Variants in LPGAT1 observed in about 807,000 individuals in gnomAD.
The protein encoded by LPGAT1 is acyl-CoA:lysophosphatidylglycerol acyltransferase 1.
A neutral mutation model predicts 47.5 loss-of-function variants in LPGAT1; 11 were observed. That is an observed-to-expected ratio of 0.23 (90% CI 0.15 to 0.38). LPGAT1 has a LOEUF of 0.38. Among genes scored for constraint, LPGAT1 ranks in the 10% least tolerant of loss-of-function variants. LPGAT1 has a pLI of 1.00. For synonymous variants in LPGAT1, 138 were observed against 144.2 expected (o/e 0.96, Z 0.31); for missense variants, 293 against 439.0 (o/e 0.67, Z 2.97).
intron 1 of LPGAT1, chr1:211,829,551 A>C: frequency 7.3e-7 from 1 of 1,378,038 alleles, no homozygotes. Context: ...GAAGTATGTC[A>C]CAATATATTT....
chr1:211,795,260 T>C (rs941681618), intron 2 of LPGAT1, among the ~76,000 whole-genome samples: 4 of 152,260 alleles, frequency 2.6e-5, no homozygotes, highest in Admixed American at 6.5e-5. Flanking sequence ...CAATGGAATA[T>C]TATGCAAACA....
At chr1:211,760,731 G>A (rs528070701) in intron 6 of LPGAT1, among the ~76,000 whole-genome samples, 1 of 152,296 alleles carries the variant, frequency 6.6e-6, no homozygotes, top group East Asian at 1.9e-4. Context: ...CAGACTCCGA[G>A]CAGAATAAAG....
rs757271601 is a variant in LPGAT1 at position 211,751,031 on chromosome 1, A to G, written c.891T>C (p.Asp297=). 1 of 1,613,848 alleles carries G rather than the reference A, an allele frequency of 6.2e-7. No homozygotes were observed. Among genetic ancestry groups the G allele is most frequent in the East Asian group, 2.2e-5 (1 of 44,862 alleles). Residue 297 remains aspartate (D), a synonymous_variant, in exon 7 of 8, where the codon GAT becomes GAC. Coordinates refer to ENST00000366997, the MANE Select transcript of LPGAT1 (RefSeq NM_014873.3). ...GCTGATAGAGCCAAGTGGTAAGGTC[A>G]TCAGTCTCCAGGGGTACATCTTTAA... The part of the protein sequence containing the change: ...FPIKDVPLET[D]DLTTWLYQRF...
chr1:211,804,155 C>T (rs1487235980), intron 2 of LPGAT1, among the ~76,000 whole-genome samples: 1 of 152,152 alleles, frequency 6.6e-6, no homozygotes, highest in African/African-American at 2.4e-5. Flanking sequence ...TCACTGTAGC[C>T]TCAACCTCCC....
intron 6 of LPGAT1, among the ~76,000 whole-genome samples, chr1:211,762,528 T>C (rs1352527925): frequency 6.6e-6 from 1 of 152,210 alleles, no homozygotes; most frequent in South Asian, 2.1e-4. Context: ...TCCCCTAATA[T>C]GGCAAAGGAT....
chr1:211,785,656 G>C (rs963954126), intron 4 of LPGAT1, among the ~76,000 whole-genome samples: 1 of 150,712 alleles, frequency 6.6e-6, no homozygotes, highest in Non-Finnish European at 1.5e-5. Flanking sequence ...ACCCAGGCTG[G>C]AGTGCAGTGA....
rs532799802 is a variant in LPGAT1 at position 211,774,871 on chromosome 1, T to A, written c.854+4047A>T. ...AAATAAGTTATTACATTCTTTTGCT[T>A]TTTCCTAAGTGTCAGTACAGAAATT... is the stretch of plus-strand genomic sequence containing the variant. On this transcript the variant is annotated intron_variant, in intron 6 of 7. Coordinates refer to ENST00000366997, the MANE Select transcript of LPGAT1 (RefSeq NM_014873.3). Among the ~76,000 whole-genome samples the A allele has an allele frequency of 1.3e-4, 20 of 152,314 alleles. No homozygotes were observed. In the South Asian group the frequency reaches 4.1e-3, roughly 32 times the overall value.
intron 1 of LPGAT1, chr1:211,829,708 C>G (rs552129248): frequency 9.7e-7 from 1 of 1,030,006 alleles, no homozygotes; most frequent in Non-Finnish European, 1.2e-6. Flanking sequence ...AGTGACATGA[C>G]CGAAACAGGG....
chr1:211,756,202 C>T (rs1657441662), intron 6 of LPGAT1, among the ~76,000 whole-genome samples: 1 of 152,186 alleles, frequency 6.6e-6, no homozygotes, highest in Admixed American at 6.5e-5. Context: ...CACCACTGCA[C>T]TCCAGCCTGG....
intron 6 of LPGAT1, among the ~76,000 whole-genome samples, chr1:211,760,056 G>T (rs1657626009): frequency 6.6e-6 from 1 of 152,242 alleles, no homozygotes; most frequent in Non-Finnish European, 1.5e-5. Flanking sequence ...TACCAAGTCA[G>T]AAGGTTCTCA....
chr1:211,788,208 A>T (rs996283479), intron 3 of LPGAT1, among the ~76,000 whole-genome samples: 1 of 152,372 alleles, frequency 6.6e-6, no homozygotes, highest in Admixed American at 6.5e-5. Context: ...TTAAAAATTA[A>T]TAGAATGATT....
intron 1 of LPGAT1, chr1:211,829,585 T>C: frequency 7.9e-7 from 1 of 1,260,390 alleles, no homozygotes; most frequent in Non-Finnish European, 1.0e-6. Flanking sequence ...ACAATTCCCA[T>C]TCAGTAATCG....
At chr1:211,819,049 T>C (rs937570184) in intron 2 of LPGAT1, among the ~76,000 whole-genome samples, 2 of 152,162 alleles carry the variant, frequency 1.3e-5, no homozygotes, top group Non-Finnish European at 2.9e-5. Context: ...TAATTATAAT[T>C]ACATAGTTAA....
chr1:211,807,696 T>G (rs1258516184), intron 2 of LPGAT1, among the ~76,000 whole-genome samples: 1 of 152,186 alleles, frequency 6.6e-6, no homozygotes, highest in African/African-American at 2.4e-5. Context: ...AAAAAAAATG[T>G]GAACCTTGAC....
intron 6 of LPGAT1, among the ~76,000 whole-genome samples, chr1:211,778,289 C>G (rs1014245172): frequency 6.6e-6 from 1 of 150,484 alleles, no homozygotes; most frequent in Non-Finnish European, 1.5e-5. Flanking sequence ...TTGCAGTGAG[C>G]CGAGATCGCG....
intron 6 of LPGAT1, among the ~76,000 whole-genome samples, chr1:211,761,697 A>G (rs1657704884): frequency 6.6e-6 from 1 of 152,260 alleles, no homozygotes; most frequent in African/African-American, 2.4e-5. Context: ...AGATACAAAT[A>G]GTTAGCTTGG....
chr1:211,748,007 T>C lies in LPGAT1; in HGVS notation c.*1892A>G, dbSNP rs897781908. 6.5e-6 allele frequency: 1 copy of C among 152,684 alleles called. No individual in the cohort carries two copies. Among genetic ancestry groups the C allele is most frequent in the Non-Finnish European group, 1.5e-5 (1 of 68,052 alleles). The allele number at this position is 152,684 out of a possible 1,614,324, so 9.5% of individuals were successfully genotyped here. On this transcript the variant is annotated 3_prime_UTR_variant, in exon 8 of 8. Transcript: ENST00000366997. ...CATATGCACTGAGTTATCGTAAAGA[T>C]GAAGCTGCTGTGGGCTTTTATTTGG...
intron 2 of LPGAT1, among the ~76,000 whole-genome samples, chr1:211,814,372 A>C (rs1660099563): frequency 6.6e-6 from 1 of 152,214 alleles, no homozygotes; most frequent in African/African-American, 2.4e-5. Context: ...AAATTTTCAA[A>C]GAAACAAAGA....
intron 2 of LPGAT1, among the ~76,000 whole-genome samples, chr1:211,794,071 T>C (rs1279174147): frequency 1.3e-5 from 2 of 152,210 alleles, no homozygotes; most frequent in African/African-American, 4.8e-5. Context: ...AATTTCAAAC[T>C]GTTAATACCG....
Sources: allele counts gnomAD v4.1 joint callset (sites outside exome capture counted in the v4.1 genomes callset), GRCh38; gene constraint gnomAD v4.1.1; transcripts MANE v1.5; gene names NCBI Gene and HGNC (gene_info 2026-07-23, HGNC 2026-07-21).